Variants in CGN observed in about 807,000 individuals in gnomAD.
CGN encodes the protein cingulin.
In CGN, 121 loss-of-function variants were observed where a neutral mutation model predicts 157.1. The ratio of observed to expected loss-of-function variants is 0.77; its 90% CI spans 0.66 to 0.90. CGN has a LOEUF of 0.90. CGN is among the 40% of genes least tolerant of loss of function. The pLI, the probability that CGN is intolerant of heterozygous loss-of-function variation, is 0.00. For synonymous variants in CGN, 535 were observed against 607.5 expected (o/e 0.88, Z 1.76); for missense variants, 1,424 against 1,520.9 (o/e 0.94, Z 1.06).
intron 1 of CGN, among the ~76,000 whole-genome samples, chr1:151,517,059 G>C (rs1305328313): frequency 2.0e-5 from 3 of 151,950 alleles, no homozygotes; most frequent in African/African-American, 7.2e-5. Flanking sequence ...TCGGGAGGCT[G>C]AGGCAGGAGA....
At position 151,519,087 on chromosome 1, in the gene CGN, G is replaced by A. The variant is rs766600191; in HGVS notation, c.568G>A (p.Gly190Arg). 73 of 1,614,000 alleles carry A rather than the reference G, an allele frequency of 4.5e-5. No homozygotes were observed. In the Middle Eastern group the frequency reaches 8.2e-4, roughly 18 times the overall value. Residue 190 changes from glycine to arginine, a missense_variant, in exon 2 of 21, where the codon GGA becomes AGA. Physicochemically the swap from Gly to Arg is moderately radical, Grantham distance 125. Transcript: ENST00000271636. ...CATCAACAAGTTTGACAGTCAACTTGGAGGCCAGGCCCGGGGTCGGACTGG... is the reference window on the plus strand; with the variant it reads ...CATCAACAAGTTTGACAGTCAACTTAGAGGCCAGGCCCGGGGTCGGACTGG... ...SLINKFDSQL[G>R]GQARGRTGRR...
rs1290905920 is a variant in CGN at position 151,538,579 on chromosome 1, G to A, written c.*1233G>A. 6.6e-6 allele frequency: 1 copy of A among 152,170 alleles called. No homozygotes were observed. Among genetic ancestry groups the A allele is most frequent in the African/African-American group, 2.4e-5 (1 of 41,418 alleles). The allele number at this position is 152,170 out of a possible 1,614,324, so 9.4% of individuals were successfully genotyped here. On this transcript the variant is annotated 3_prime_UTR_variant, in exon 21 of 21. Coordinates refer to ENST00000271636, the MANE Select transcript of CGN (RefSeq NM_020770.3). ...GCTGTTTTCACAAATGACTTGTAATGTCGTGATTAAAAAAATTCCTATATT... is the reference window on the plus strand; with the variant it reads ...GCTGTTTTCACAAATGACTTGTAATATCGTGATTAAAAAAATTCCTATATT...
chr1:151,524,717 G>A lies in CGN; in HGVS notation c.1445G>A (p.Gly482Glu). 6.2e-7 allele frequency: 1 copy of A among 1,609,654 alleles called. No individual in the cohort carries two copies. The highest frequency in any genetic ancestry group is 1.3e-5 in the African/African-American group (1 of 74,618). Residue 482 changes from glycine (G) to glutamate (E), a missense_variant, in exon 8 of 21, where the codon GGG becomes GAG. Around this residue, in one of 3 missense-constraint regions of CGN, gnomAD observed 1,187 missense variants for 1,217.6 expected, o/e 0.97. Coordinates refer to ENST00000271636, the MANE Select transcript of CGN (RefSeq NM_020770.3). The surrounding 1 kb of genome is among the most constrained non-coding windows in gnomAD (Gnocchi z 4.4). ...TRELLEEVLE[G>E]KQRVEEQLRL... The stretch of plus-strand genomic sequence containing the variant: ...GAACTTCTGGAAGAGGTCTTGGAGG[G>A]GAAACAGCGAGTAGAGGAGCAGCTG...
intron 1 of CGN, among the ~76,000 whole-genome samples, chr1:151,516,200 T>A (rs1664407004): frequency 6.6e-6 from 1 of 152,152 alleles, no homozygotes. Flanking sequence ...CACTTTACAG[T>A]CCCTGAAAGG....
chr1:151,532,565 AGGATGAGG>A lies in CGN; in HGVS notation c.2736_2742+1del. 1 of 1,526,270 alleles carries A rather than the reference AGGATGAGG, an allele frequency of 6.6e-7. No individual in the cohort carries two copies. The highest frequency in any genetic ancestry group is 1.3e-5 in the South Asian group (1 of 78,828). 94.5% of individuals were successfully genotyped at this position (1,526,270 alleles called of 1,614,324 possible). On this transcript the variant is annotated splice_donor_variant and coding_sequence_variant, in exon 14 of 21. Transcript: ENST00000271636. LOFTEE classifies it high-confidence loss of function. ...ACCTCTGGAGGACTGAGCCGACTTC[AGGATGAGG>A]TAGAAGTCTAATATCCTTGGGTTTG...
chr1:151,533,602 G>A (rs998255999), intron 14 of CGN, among the ~76,000 whole-genome samples: 1 of 151,482 alleles, frequency 6.6e-6, no homozygotes, highest in African/African-American at 2.4e-5. Flanking sequence ...AGACCATCTT[G>A]GCTAACACGG....
chr1:151,513,247 C>T (rs745423044), intron 1 of CGN, among the ~76,000 whole-genome samples: 7 of 152,180 alleles, frequency 4.6e-5, no homozygotes, highest in African/African-American at 1.2e-4. Flanking sequence ...GTAGTTTCCC[C>T]GGCCCTCCCC....
intron 10 of CGN, among the ~76,000 whole-genome samples, chr1:151,528,777 A>G (rs1437991861): frequency 6.6e-6 from 1 of 152,016 alleles, no homozygotes; most frequent in Non-Finnish European, 1.5e-5. Context: ...GAACATTTTC[A>G]TTACCCCCTC....
In CGN at chr1:151,530,112, G is replaced by A; in HGVS notation, c.2310G>A (p.Leu770=). The A allele has an allele frequency of 6.2e-7, 1 of 1,610,048 alleles. No homozygotes were observed. The highest frequency in any genetic ancestry group is 1.3e-5 in the African/African-American group (1 of 74,980). The change falls in exon 12 of 21, where the codon CTG becomes CTA. Residue 770 remains leucine, a synonymous_variant. Transcript: ENST00000271636. ...GACTACGGGACAAGCTGCAGCGGCT[G>A]GAGGTCAGTGGTTCTGCCCTCCCAG... ...EARLRDKLQR[L]EAEKQQLEEA...
intron 16 of CGN, 118 bp from the exon 17 acceptor site, chr1:151,535,482 G>A (rs1191643560): frequency 2.5e-6 from 2 of 813,182 alleles, no homozygotes; most frequent in Non-Finnish European, 2.1e-6. Flanking sequence ...TAGTTGCCTG[G>A]GAATTTTTGG....
chr1:151,529,476 C>A lies in CGN; in HGVS notation c.2023C>A (p.Arg675=). 1 of 1,613,664 alleles carries A rather than the reference C, an allele frequency of 6.2e-7. No homozygotes were observed. The stretch of plus-strand genomic sequence containing the variant: ...GGCGGTCCTGAGGGTCGAGGCTGAT[C>A]GAGGTCGGGAGCTGGAAGAACAGAA... ...QLAVLRVEAD[R]GRELEEQNLQ... Residue 675 remains arginine, a synonymous_variant, in exon 11 of 21, where the codon CGA becomes AGA. Coordinates refer to ENST00000271636, the MANE Select transcript of CGN (RefSeq NM_020770.3).
At position 151,529,897 on chromosome 1, in the gene CGN, A is replaced by C. The variant is rs765668403; in HGVS notation, c.2107-12A>C. On this transcript the variant is annotated splice_polypyrimidine_tract_variant and intron_variant, in intron 11 of 20. Transcript: ENST00000271636. Reference sequence around the variant, plus strand: ...CTGGGGTCTGAGCTGCCACCCCCTGAACCGTCCTTAGGCTAAGATGGTGGC... The same window carrying C: ...CTGGGGTCTGAGCTGCCACCCCCTGCACCGTCCTTAGGCTAAGATGGTGGC... 29 of 1,610,248 alleles carry C rather than the reference A, an allele frequency of 1.8e-5. No homozygotes were observed. Among genetic ancestry groups the C allele is most frequent in the Admixed American group, 8.3e-5 (5 of 59,902 alleles).
In CGN at chr1:151,537,959, G is replaced by C. The variant is rs1322915181; in HGVS notation, c.*613G>C. 1 of 152,650 alleles carries C rather than the reference G, an allele frequency of 6.6e-6. No homozygotes were observed. The highest frequency in any genetic ancestry group is 1.5e-5 in the Non-Finnish European group (1 of 68,084). 9.5% of individuals were successfully genotyped at this position (152,650 alleles called of 1,614,324 possible). On this transcript the variant is annotated 3_prime_UTR_variant, in exon 21 of 21. Coordinates refer to ENST00000271636, the MANE Select transcript of CGN (RefSeq NM_020770.3). ...TTTTTCCTGTCAGTGCCTTAGCCAA[G>C]GCAAGGAGATAAGGATGCTCTTCTT...
Position 151,535,696 on chromosome 1 carries a change from G to A in CGN, c.3078+13G>A. ...CTTGGAGAGACAGGTGATGGGGGAG[G>A]GGAGGATTCTTAGGGATGGACCCCA... On this transcript the variant is annotated intron_variant, in intron 17 of 20. Transcript: ENST00000271636. 1 of 1,612,868 alleles carries A rather than the reference G, an allele frequency of 6.2e-7. No individual in the cohort carries two copies. Among genetic ancestry groups the A allele is most frequent in the East Asian group, 2.2e-5 (1 of 44,856 alleles).
At chr1:151,537,081 G>A (rs1664984791) in intron 20 of CGN, 124 bp from the exon 21 acceptor site, 2 of 1,255,252 alleles carry the variant, frequency 1.6e-6, no homozygotes, top group African/African-American at 1.5e-5. Context: ...AATCTGATTA[G>A]TTGGGGATTT....
At chr1:151,534,995 T>G (rs752332447) in intron 15 of CGN, 47 bp from the exon 16 acceptor site, 1 of 1,384,580 alleles carries the variant, frequency 7.2e-7, no homozygotes. Context: ...AGTTTGGCAT[T>G]CTGGTGTCCA....
At chr1:151,531,728 G>A (rs1571668652) in intron 13 of CGN, among the ~76,000 whole-genome samples, 1 of 152,332 alleles carries the variant, frequency 6.6e-6, no homozygotes, top group East Asian at 1.9e-4. Context: ...AATTGCTTTT[G>A]CTGCTAAGGT....
At chr1:151,537,174 TC>T in intron 20 of CGN, 30 bp from the exon 21 acceptor site, 2 of 1,591,592 alleles carry the variant, frequency 1.3e-6, no homozygotes, top group South Asian at 2.3e-5. Flanking sequence ...TATTTTCCCC[TC>T]CCCAACCATT....
rs1207096803 is a variant in CGN at position 151,522,449 on chromosome 1, AC to A, written c.1141-982del. ...AGACCAGCCTGGCCAACATGGTGAAACCCTGTCTCTACTGAAAATACAAAAA... is the reference window on the plus strand; with the variant it reads ...AGACCAGCCTGGCCAACATGGTGAAACCTGTCTCTACTGAAAATACAAAAA... On this transcript the variant is annotated intron_variant, in intron 5 of 20. Coordinates refer to ENST00000271636, the MANE Select transcript of CGN (RefSeq NM_020770.3). Among the ~76,000 whole-genome samples, 5 of 151,994 alleles carry A rather than the reference AC, an allele frequency of 3.3e-5. No individual in the cohort carries two copies. The East Asian group carries it at 9.7e-4, about 29-fold the overall frequency.
Sources: gnomAD v4.1 joint callset for allele counts (sites outside exome capture counted in the v4.1 genomes callset) on GRCh38, gnomAD v4.1.1 for gene constraint, gnomAD v4.1.1 regional missense constraint, Gnocchi (gnomAD v3.1) non-coding constraint, MANE v1.5 for transcripts, NCBI Gene and HGNC (gene_info 2026-07-23, HGNC 2026-07-21) for gene names.